The following GALNT13 variants were observed in gnomAD, a reference collection of about 807,000 sequenced individuals.
The protein encoded by GALNT13 is polypeptide N-acetylgalactosaminyltransferase 13, also known as UDP-GalNAc:polypeptide N-acetylgalactosaminyltransferase 13.
GALNT13 carries 28 observed loss-of-function variants against 64.2 expected under a neutral mutation model. The ratio of observed to expected loss-of-function variants is 0.44; its 90% confidence interval spans 0.32 to 0.60. GALNT13 has a LOEUF of 0.60. GALNT13 is among the 20% of genes least tolerant of loss of function. GALNT13 has a pLI of 0.05. For missense variants in GALNT13, 577 were observed against 669.8 expected (o/e 0.86, Z 1.53); for synonymous variants, 214 against 224.6 (o/e 0.95, Z 0.42).
chr2:153,259,762 T>C, the GALNT13 span, among the ~76,000 whole-genome samples: 5 of 152,210 alleles, frequency 3.3e-5, no homozygotes, highest in African/African-American at 1.2e-4. Flanking sequence ...AAACCTCTTT[T>C]TCCTTATAAA....
intron 2 of GALNT13, among the ~76,000 whole-genome samples, chr2:153,931,348 C>T (rs1690503803): frequency 6.6e-6 from 1 of 151,526 alleles, no homozygotes; most frequent in South Asian, 2.1e-4. Flanking sequence ...CTCTCTCTCG[C>T]TTGATTACTC....
In GALNT13 at chr2:153,944,020, G is replaced by A. The variant is rs2028750; in HGVS notation, c.-104-374G>A. On this transcript the variant is annotated intron_variant, in intron 2 of 12. Transcript: ENST00000392825. Reference sequence around the variant, plus strand: ...ACTATAATATATTGTATCCCAGGATGATTTCTATTTCAGAATTATTGGCTA... The same window carrying A: ...ACTATAATATATTGTATCCCAGGATAATTTCTATTTCAGAATTATTGGCTA... Among the ~76,000 whole-genome samples the A allele has an allele frequency of 1.5e-4, 23 of 152,276 alleles. 2 individuals are homozygous for A. The highest frequency in any genetic ancestry group is 1.5e-3 in the Admixed American group (23 of 15,288).
chr2:153,746,356 C>T, the GALNT13 span, among the ~76,000 whole-genome samples: 1 of 152,086 alleles, frequency 6.6e-6, no homozygotes, highest in Admixed American at 6.6e-5. Flanking sequence ...TGTTGTGAAA[C>T]ATTAATGGTT....
chr2:153,497,807 G>A, the GALNT13 span, among the ~76,000 whole-genome samples: 14 of 151,942 alleles, frequency 9.2e-5, no homozygotes, highest in South Asian at 2.1e-4. Context: ...CAAAGTGCTG[G>A]GATTACAGGC....
At chr2:153,695,018 G>A in the GALNT13 span, among the ~76,000 whole-genome samples, 1 of 152,076 alleles carries the variant, frequency 6.6e-6, no homozygotes, top group Non-Finnish European at 1.5e-5. Context: ...AGCGGAACAG[G>A]TACATGGAAT....
chr2:153,343,356 T>G, the GALNT13 span, among the ~76,000 whole-genome samples: 1 of 152,146 alleles, frequency 6.6e-6, no homozygotes, highest in Non-Finnish European at 1.5e-5. Context: ...GTGATAAAAA[T>G]TAATAGCTAT....
intron 9 of GALNT13, among the ~76,000 whole-genome samples, chr2:154,373,323 A>C (rs1697805370): frequency 6.6e-6 from 1 of 152,162 alleles, no homozygotes; most frequent in Non-Finnish European, 1.5e-5. Flanking sequence ...ATTGTATTAC[A>C]TATATGTACT....
At chr2:154,113,095 A>G (rs2105495433) in intron 3 of GALNT13, among the ~76,000 whole-genome samples, 1 of 152,294 alleles carries the variant, frequency 6.6e-6, no homozygotes, top group African/African-American at 2.4e-5. Flanking sequence ...ACCCGTAGGC[A>G]AACATTCAGT....
chr2:154,403,032 G>A (rs1699367082), intron 10 of GALNT13, among the ~76,000 whole-genome samples: 1 of 152,088 alleles, frequency 6.6e-6, no homozygotes, highest in Admixed American at 6.6e-5. Context: ...GTATTTTGAA[G>A]ACAATATAGC....
At chr2:153,257,377 G>A in the GALNT13 span, among the ~76,000 whole-genome samples, 55 of 152,018 alleles carry the variant, frequency 3.6e-4, no homozygotes, top group East Asian at 2.2e-3. Context: ...AGATGAACCC[G>A]GTACCTCAGA....
chr2:154,314,457 G>T (rs1211765784), intron 9 of GALNT13, among the ~76,000 whole-genome samples: 1 of 152,128 alleles, frequency 6.6e-6, no homozygotes, highest in African/African-American at 2.4e-5. Context: ...GTCTGATTGT[G>T]TTGCTATAAA....
chr2:153,693,747 G>A, the GALNT13 span, among the ~76,000 whole-genome samples: 1 of 152,082 alleles, frequency 6.6e-6, no homozygotes, highest in South Asian at 2.1e-4. Flanking sequence ...CATTTTACAT[G>A]TAGAAAGAAG....
the GALNT13 span, among the ~76,000 whole-genome samples, chr2:153,509,735 C>T: frequency 6.6e-6 from 1 of 152,174 alleles, no homozygotes; most frequent in Non-Finnish European, 1.5e-5. Flanking sequence ...TACTTTCTTC[C>T]TCTCCCAGGG....
intron 4 of GALNT13, among the ~76,000 whole-genome samples, chr2:154,206,519 G>T (rs763211771): frequency 6.6e-6 from 1 of 151,906 alleles, no homozygotes; most frequent in Non-Finnish European, 1.5e-5. Context: ...CGGGGGTCGG[G>T]CGCGGTGGCT....
At chr2:154,339,500 A>C (rs1695635982) in intron 9 of GALNT13, among the ~76,000 whole-genome samples, 1 of 152,154 alleles carries the variant, frequency 6.6e-6, no homozygotes, top group Non-Finnish European at 1.5e-5. Flanking sequence ...GTGATATTTG[A>C]AGTATACTCG....
intron 4 of GALNT13, among the ~76,000 whole-genome samples, chr2:154,146,767 C>A (rs1683627439): frequency 6.6e-6 from 1 of 151,658 alleles, no homozygotes; most frequent in Non-Finnish European, 1.5e-5. Context: ...ACTAAATAAC[C>A]TTTATTATCC....
At chr2:153,352,423 A>G in the GALNT13 span, among the ~76,000 whole-genome samples, 9 of 152,092 alleles carry the variant, frequency 5.9e-5, no homozygotes, top group South Asian at 1.7e-3. Context: ...TCTTTTGACC[A>G]TGTCTTTTAC....
chr2:154,126,812 T>C (rs1171804949), intron 3 of GALNT13, among the ~76,000 whole-genome samples: 1 of 152,080 alleles, frequency 6.6e-6, no homozygotes, highest in South Asian at 2.1e-4. Flanking sequence ...CCAATGGAGG[T>C]TGACTTTTTT....
At chr2:153,258,594 G>A in the GALNT13 span, among the ~76,000 whole-genome samples, 1 of 152,030 alleles carries the variant, frequency 6.6e-6, no homozygotes, top group Non-Finnish European at 1.5e-5. Flanking sequence ...GGTGCTTATT[G>A]CTATAAACTT....
Sources: allele counts gnomAD v4.1 joint callset (sites outside exome capture counted in the v4.1 genomes callset), GRCh38; gene constraint gnomAD v4.1.1; transcripts MANE v1.5; gene names NCBI Gene and HGNC (gene_info 2026-07-23, HGNC 2026-07-21).